Variants in EEFSEC observed in about 807,000 individuals in gnomAD.
The protein encoded by EEFSEC is eukaryotic elongation factor, selenocysteine-tRNA specific.
In EEFSEC, 43 loss-of-function variants were observed where a neutral mutation model predicts 42.1. The observed-to-expected ratio is 1.02, with a 90% CI of 0.80 to 1.32. EEFSEC has a LOEUF of 1.32. EEFSEC is among the 40% of genes most tolerant of loss of function. EEFSEC has a pLI of 0.00. For synonymous variants in EEFSEC, 354 were observed against 339.1 expected (o/e 1.04, Z -0.48); for missense variants, 745 against 803.6 (o/e 0.93, Z 0.88).
intron 1 of EEFSEC, among the ~76,000 whole-genome samples, chr3:128,214,615 A>T (rs917552745): frequency 6.6e-6 from 1 of 152,236 alleles, no homozygotes. Context: ...TTTTGTCTCA[A>T]TGAGGCAGAA....
chr3:128,303,870 G>C (rs1033089204), intron 4 of EEFSEC, among the ~76,000 whole-genome samples: 5 of 152,138 alleles, frequency 3.3e-5, no homozygotes, highest in African/African-American at 1.2e-4. Context: ...AGAAAGCACA[G>C]TATCTAACTT....
chr3:128,164,136 T>A (rs900644156), intron 1 of EEFSEC, among the ~76,000 whole-genome samples: 3 of 152,128 alleles, frequency 2.0e-5, no homozygotes, highest in Non-Finnish European at 4.4e-5. Context: ...TTTCGGCAGC[T>A]TGTGTGGTGG....
chr3:128,304,725 A>G (rs1160293831), intron 4 of EEFSEC, among the ~76,000 whole-genome samples: 1 of 150,622 alleles, frequency 6.6e-6, no homozygotes, highest in Non-Finnish European at 1.5e-5. Context: ...TTCCCTCAAG[A>G]CAGGGTCTCA....
intron 5 of EEFSEC, among the ~76,000 whole-genome samples, chr3:128,347,948 T>A (rs530165461): frequency 6.6e-6 from 1 of 152,350 alleles, no homozygotes; most frequent in African/African-American, 2.4e-5. Context: ...CTTACACTCC[T>A]TGAATAGAGT....
In EEFSEC at chr3:128,329,456, A is replaced by G. The variant is rs143081558; in HGVS notation, c.787-11777A>G. On this transcript the variant is annotated intron_variant, in intron 4 of 6. Transcript: ENST00000254730. ...GATGCTCTCAGTCTGGACAGGAGGC[A>G]GGAGCTAAAGGCATGGCTACATAGC... Among the ~76,000 whole-genome samples, 108 of 145,068 alleles carry G rather than the reference A, an allele frequency of 7.4e-4. 1 individual carries two copies. The East Asian group carries it at 0.023, about 31-fold the overall frequency.
intron 5 of EEFSEC, among the ~76,000 whole-genome samples, chr3:128,351,386 C>G (rs933108799): frequency 6.6e-6 from 1 of 152,230 alleles, no homozygotes; most frequent in Non-Finnish European, 1.5e-5. Flanking sequence ...CTGATCCTAA[C>G]AACAACCTTT....
rs1444954099 is a variant in EEFSEC, at chr3:128,408,401, G to C, written c.*142G>C. Reference sequence around the variant, plus strand: ...AGCCCCCACCCCCAAGCTTGGTGCTGAGCCCTGGTGAGGAGCTGAGGGGGA... The same window carrying C: ...AGCCCCCACCCCCAAGCTTGGTGCTCAGCCCTGGTGAGGAGCTGAGGGGGA... On this transcript the variant is annotated 3_prime_UTR_variant, in exon 7 of 7. Transcript: ENST00000254730. 1.6e-5 allele frequency: 14 copies of C among 900,026 alleles called. No individual in the cohort carries two copies. Among genetic ancestry groups the C allele is most frequent in the Non-Finnish European group, 1.9e-5 (12 of 615,450 alleles). 55.8% of individuals were successfully genotyped at this position (900,026 alleles called of 1,614,324 possible). A position where few individuals can be genotyped will look rare whatever the true frequency, so the allele number is the denominator to read the frequency against.
chr3:128,301,141 A>G (rs921607012), intron 4 of EEFSEC, among the ~76,000 whole-genome samples: 3 of 152,270 alleles, frequency 2.0e-5, no homozygotes, highest in African/African-American at 4.8e-5. Flanking sequence ...GATATGTGCA[A>G]TGTTCCGTCC....
intron 1 of EEFSEC, among the ~76,000 whole-genome samples, chr3:128,211,777 A>G (rs2065758403): frequency 1.3e-5 from 2 of 150,532 alleles, no homozygotes; most frequent in Non-Finnish European, 3.0e-5. Flanking sequence ...CAGCCTCCCA[A>G]CATGCTAGGA....
chr3:128,406,141 C>G (rs1187631973), intron 6 of EEFSEC, among the ~76,000 whole-genome samples: 5 of 152,198 alleles, frequency 3.3e-5, no homozygotes, highest in Non-Finnish European at 7.4e-5. Flanking sequence ...AGCCCTGGGC[C>G]CACCCACTCC....
chr3:128,422,817 G>C, the EEFSEC span, among the ~76,000 whole-genome samples: 1 of 152,226 alleles, frequency 6.6e-6, no homozygotes. Context: ...GCCAGCCCAG[G>C]CTGGTCCCAG....
At chr3:128,262,982 G>A (rs2066314551) in intron 3 of EEFSEC, among the ~76,000 whole-genome samples, 1 of 152,170 alleles carries the variant, frequency 6.6e-6, no homozygotes, top group Non-Finnish European at 1.5e-5. Flanking sequence ...TCTGACCTCA[G>A]GCAAATGATC....
At chr3:128,356,977 A>G (rs777439776) in intron 5 of EEFSEC, among the ~76,000 whole-genome samples, 1 of 152,124 alleles carries the variant, frequency 6.6e-6, no homozygotes, top group Non-Finnish European at 1.5e-5. Flanking sequence ...TGGAGCTCCC[A>G]TCTTCTCCTG....
At chr3:128,262,723 G>A (rs78098925) in intron 3 of EEFSEC, among the ~76,000 whole-genome samples, 8 of 152,296 alleles carry the variant, frequency 5.3e-5, no homozygotes, top group Middle Eastern at 3.4e-3. Context: ...GCTTATCTTC[G>A]GAAGCTGTGG....
chr3:128,206,426 G>C (rs1396499184), intron 1 of EEFSEC, among the ~76,000 whole-genome samples: 2 of 152,168 alleles, frequency 1.3e-5, no homozygotes, highest in Non-Finnish European at 2.9e-5. Flanking sequence ...AAGGGGTGTT[G>C]GGAAAGGTTC....
intron 1 of EEFSEC, among the ~76,000 whole-genome samples, chr3:128,219,067 G>A (rs929132579): frequency 1.3e-5 from 2 of 152,230 alleles, no homozygotes; most frequent in Non-Finnish European, 2.9e-5. Context: ...GAGCAGAGGA[G>A]TGGACGTTCT....
the EEFSEC span, among the ~76,000 whole-genome samples, chr3:128,418,510 C>CTACT: frequency 6.6e-6 from 1 of 151,938 alleles, no homozygotes; most frequent in South Asian, 2.1e-4. Context: ...CCAGGCCAGG[C>CTACT]TACTCCCTGG....
At chr3:128,188,131 G>A (rs1223198571) in intron 1 of EEFSEC, among the ~76,000 whole-genome samples, 1 of 152,136 alleles carries the variant, frequency 6.6e-6, no homozygotes, top group Non-Finnish European at 1.5e-5. Context: ...CCATTTTGGA[G>A]GGCAGTGCCA....
At chr3:128,241,942 A>G (rs1456257627) in intron 1 of EEFSEC, among the ~76,000 whole-genome samples, 1 of 152,244 alleles carries the variant, frequency 6.6e-6, no homozygotes, top group African/African-American at 2.4e-5. Context: ...ATAGTAGGAT[A>G]TTAATTGCCA....
Sources: gnomAD v4.1 joint callset for allele counts (sites outside exome capture counted in the v4.1 genomes callset) on GRCh38, gnomAD v4.1.1 for gene constraint, MANE v1.5 for transcripts, NCBI Gene and HGNC (gene_info 2026-07-23, HGNC 2026-07-21) for gene names.